The following ZC3H3 variants were observed in gnomAD, a reference collection of about 807,000 sequenced individuals.
ZC3H3 encodes the protein zinc finger CCCH-type containing 3.
ZC3H3 carries 36 observed loss-of-function variants against 77.3 expected under a neutral mutation model. The observed-to-expected ratio is 0.47, with a 90% CI of 0.36 to 0.61. ZC3H3 has a LOEUF of 0.61. ZC3H3 is among the 20% of genes least tolerant of loss of function. The pLI, the probability that ZC3H3 is intolerant of heterozygous loss-of-function variation, is 0.00. For missense variants in ZC3H3, 1,331 were observed against 1,312.2 expected (o/e 1.01, Z -0.22); for synonymous variants, 626 against 555.2 (o/e 1.13, Z -1.79).
intron 9 of ZC3H3, among the ~76,000 whole-genome samples, chr8:143,456,714 T>A (rs1820132104): frequency 6.6e-6 from 1 of 151,960 alleles, no homozygotes; most frequent in Non-Finnish European, 1.5e-5. Flanking sequence ...AAAAAAATTT[T>A]AAAAGTAGCC....
chr8:143,468,285 C>A lies in ZC3H3; in HGVS notation c.2106-7G>T. On this transcript the variant is annotated splice_polypyrimidine_tract_variant and splice_region_variant and intron_variant, in intron 7 of 11. Coordinates refer to ENST00000262577, the MANE Select transcript of ZC3H3 (RefSeq NM_015117.3). The stretch of plus-strand genomic sequence containing the variant: ...GCAGGTGCCCCGGACAAACCTGCAG[C>A]ACCAGGAGAAACGGGTATGAGGAAG... The A allele has an allele frequency of 5.0e-6, 8 of 1,613,028 alleles. No homozygotes were observed. Among genetic ancestry groups the A allele is most frequent in the Non-Finnish European group, 6.8e-6 (8 of 1,179,918 alleles).
At chr8:143,520,679 T>C (rs1303751264) in intron 3 of ZC3H3, among the ~76,000 whole-genome samples, 1 of 152,172 alleles carries the variant, frequency 6.6e-6, no homozygotes, top group East Asian at 1.9e-4. Context: ...GTTCTAGGCC[T>C]TTCCACGTTT....
chr8:143,477,327 C>G (rs1047634672), intron 4 of ZC3H3, among the ~76,000 whole-genome samples: 6 of 152,172 alleles, frequency 3.9e-5, no homozygotes, highest in Non-Finnish European at 7.4e-5. Flanking sequence ...AAGAGCCCAC[C>G]AAGGGGCCTG....
intron 3 of ZC3H3, among the ~76,000 whole-genome samples, chr8:143,522,715 C>G (rs35831450): frequency 4.6e-5 from 7 of 152,206 alleles, no homozygotes; most frequent in African/African-American, 1.7e-4. Flanking sequence ...GCCCAGGAAT[C>G]GGAGACCAGC....
chr8:143,462,657 G>A lies in ZC3H3; in HGVS notation c.2307+3060C>T, dbSNP rs1258440292. ...GCCTTCCCTCTCCCGACAGCTCCCT[G>A]CAGACAGGCACCAACCACACACAGG... On this transcript the variant is annotated intron_variant, in intron 9 of 11. Coordinates refer to ENST00000262577, the MANE Select transcript of ZC3H3 (RefSeq NM_015117.3). This position sits in a 1 kb window ranked among gnomAD's most constrained non-coding sequence, Gnocchi z 4.7. Among the ~76,000 whole-genome samples the A allele has an allele frequency of 6.6e-6, 1 of 152,186 alleles. No individual in the cohort carries two copies. The highest frequency in any genetic ancestry group is 1.9e-4 in the East Asian group (1 of 5,190).
rs948018103 is a variant in ZC3H3, at chr8:143,536,549, C to A, written c.1365-96G>T. The A allele has an allele frequency of 5.3e-6, 7 of 1,312,928 alleles. No individual in the cohort carries two copies. The Admixed American group carries it at 1.2e-4, about 22-fold the overall frequency. 81.3% of individuals were successfully genotyped at this position (1,312,928 alleles called of 1,614,324 possible). A position where few individuals can be genotyped will look rare whatever the true frequency, so the allele number is the denominator to read the frequency against. The stretch of plus-strand genomic sequence containing the variant: ...GACCCGAGGAGCGTGGGAGCAGCTC[C>A]TGAAGGCCAGGACCAGGCCACAGCG... On this transcript the variant is annotated intron_variant, in intron 2 of 11. Transcript: ENST00000262577.
At chr8:143,492,582 C>G (rs921489247) in intron 4 of ZC3H3, among the ~76,000 whole-genome samples, 1 of 152,212 alleles carries the variant, frequency 6.6e-6, no homozygotes, top group Admixed American at 6.5e-5. Context: ...GGACTGATGC[C>G]GGAGGGGCCC....
chr8:143,538,357 A>G lies in ZC3H3; in HGVS notation c.1010T>C (p.Val337Ala). 6.2e-7 allele frequency: 1 copy of G among 1,613,036 alleles called. No homozygotes were observed. The highest frequency in any genetic ancestry group is 1.1e-5 in the South Asian group (1 of 91,090). ...TGCCATGCCAGCAGAGGCCTTGCAC[A>G]CATTCTCTGCAGCCACTCTGGGACT... ...ALSPRVAAENVCKASAGMANK... is the reference protein window; with the variant it reads ...ALSPRVAAENACKASAGMANK... The change falls in exon 2 of 12, where the codon GTG becomes GCG. Residue 337 changes from valine (V) to alanine (A), a missense_variant. By Grantham distance (64) the Val-to-Ala change is moderately conservative. Coordinates refer to ENST00000262577, the MANE Select transcript of ZC3H3 (RefSeq NM_015117.3).
At chr8:143,451,263 G>C (rs7828812) in intron 9 of ZC3H3, among the ~76,000 whole-genome samples, 95,411 of 152,074 alleles carry the variant, frequency 0.63, 30,227 homozygotes, top group Middle Eastern at 0.66. Context: ...AGAAGTCAAT[G>C]AAAAAGAAAA....
intron 3 of ZC3H3, among the ~76,000 whole-genome samples, chr8:143,508,626 C>A (rs1426979296): frequency 2.0e-5 from 3 of 152,182 alleles, no homozygotes; most frequent in Admixed American, 1.3e-4. Flanking sequence ...TCTGACTGCC[C>A]AGATCATTAA....
At chr8:143,532,895 G>A (rs1307321456) in intron 3 of ZC3H3, among the ~76,000 whole-genome samples, 1 of 152,182 alleles carries the variant, frequency 6.6e-6, no homozygotes, top group Non-Finnish European at 1.5e-5. Flanking sequence ...CTGTCTCTGG[G>A]GTCAGCCGCC....
intron 4 of ZC3H3, among the ~76,000 whole-genome samples, chr8:143,488,721 C>G (rs1821114726): frequency 1.3e-5 from 2 of 152,202 alleles, no homozygotes; most frequent in Admixed American, 1.3e-4. Flanking sequence ...CATGAAATCT[C>G]AAGAGACTGG....
rs992251864 is a variant in ZC3H3, at chr8:143,533,726, G to A, written c.1561+2531C>T. 6.3e-5 allele frequency among the ~76,000 whole-genome samples: 9 copies of A among 143,052 alleles called. No homozygotes were observed. Among genetic ancestry groups the A allele is most frequent in the Admixed American group, 2.2e-4 (3 of 13,588 alleles). 93.8% of individuals were successfully genotyped at this position (143,052 alleles called of 152,430 possible). ...TTTTGAGACAAAATGTCACTCTGTCGCCCAGGCTGGAGTACAATGGCACGA... is the reference window on the plus strand; with the variant it reads ...TTTTGAGACAAAATGTCACTCTGTCACCCAGGCTGGAGTACAATGGCACGA... On this transcript the variant is annotated intron_variant, in intron 3 of 11. Transcript: ENST00000262577. The surrounding 1 kb of genome is among the most constrained non-coding windows in gnomAD (Gnocchi z 4.0).
Position 143,538,731 on chromosome 8 carries a change from G to C in ZC3H3, c.636C>G (p.Pro212=). The C allele has an allele frequency of 6.2e-7, 1 of 1,609,906 alleles. No homozygotes were observed. Among genetic ancestry groups the C allele is most frequent in the Non-Finnish European group, 8.5e-7 (1 of 1,179,868 alleles). Residue 212 remains proline (P), a synonymous_variant, in exon 2 of 12, where the codon CCC becomes CCG. Transcript: ENST00000262577. Reference sequence around the variant, plus strand: ...CACTGACTGTCCGGCGGGGCTCCCGGGGGCTGTCGCCCACACTGCCCACTG... The same window carrying C: ...CACTGACTGTCCGGCGGGGCTCCCGCGGGCTGTCGCCCACACTGCCCACTG... ...VKSVGSVGDS[P]REPRRTVSES...
chr8:143,461,365 G>C (rs1820257453), intron 9 of ZC3H3, among the ~76,000 whole-genome samples: 1 of 152,164 alleles, frequency 6.6e-6, no homozygotes, highest in Admixed American at 6.5e-5. Flanking sequence ...GAGCTAGCGA[G>C]GAAGTAAGCA....
chr8:143,452,528 G>T (rs1001328927), intron 9 of ZC3H3, among the ~76,000 whole-genome samples: 6 of 152,196 alleles, frequency 3.9e-5, no homozygotes, highest in Non-Finnish European at 8.8e-5. Context: ...GACAGACAGG[G>T]CGTCAGAATT....
intron 3 of ZC3H3, among the ~76,000 whole-genome samples, chr8:143,516,424 G>A (rs1822044821): frequency 6.6e-6 from 1 of 152,040 alleles, no homozygotes; most frequent in African/African-American, 2.4e-5. Context: ...GTGGAGAGCA[G>A]AGACCTGCTC....
chr8:143,500,443 A>C (rs547693528), intron 4 of ZC3H3, among the ~76,000 whole-genome samples: 1 of 152,362 alleles, frequency 6.6e-6, no homozygotes, highest in East Asian at 1.9e-4. Context: ...GAGCATCTGC[A>C]CACTGCCAGG....
intron 4 of ZC3H3, among the ~76,000 whole-genome samples, chr8:143,500,250 G>A (rs956084179): frequency 2.0e-5 from 3 of 152,230 alleles, no homozygotes; most frequent in African/African-American, 7.2e-5. Context: ...CAGCACAGTG[G>A]GCAGAGCCTG....
Sources: gnomAD v4.1 joint callset for allele counts (sites outside exome capture counted in the v4.1 genomes callset) on GRCh38, gnomAD v4.1.1 for gene constraint, Gnocchi (gnomAD v3.1) non-coding constraint, MANE v1.5 for transcripts, NCBI Gene and HGNC (gene_info 2026-07-23, HGNC 2026-07-21) for gene names.